The following FAM13A variants were observed in gnomAD, a reference collection of about 807,000 sequenced individuals.
FAM13A encodes protein FAM13A.
In FAM13A, 76 loss-of-function variants were observed where a neutral mutation model predicts 129.6. The observed-to-expected ratio is 0.59, with a 90% CI of 0.49 to 0.71. FAM13A has a LOEUF of 0.71. Ranked by LOEUF, FAM13A falls within the 30% of genes least tolerant of loss-of-function variation. The probability of loss-of-function intolerance (pLI) is 0.00; values close to 1 mark genes in which losing one functional copy is unlikely to be tolerated. For synonymous variants in FAM13A, 443 were observed against 449.9 expected, an observed-to-expected ratio of 0.98 and a Z score of 0.20; for missense variants, 1,108 against 1,249.3, an observed-to-expected ratio of 0.89 and a Z score of 1.70.
Position 88,747,698 on chromosome 4 carries a change from G to A in FAM13A, c.2315C>T (p.Thr772Ile). The A allele has an allele frequency of 6.2e-7, 1 of 1,614,198 alleles. No individual in the cohort carries two copies. Among genetic ancestry groups the A allele is most frequent in the South Asian group, 1.1e-5 (1 of 91,082 alleles). ...GAGCTTCCTCTGAATAGATTCCAAT[G>A]TGGCTTCAACACTGGGCTTTATTGC... ...DKAIKPSVEA[T>I]LESIQRKLQE... The change falls in exon 18 of 24, where the codon ACA (threonine) becomes ATA (isoleucine). Residue 772 changes from threonine (T) to isoleucine (I), a missense_variant. Thr to Ile is a moderately conservative substitution (Grantham distance 89). Around this residue, in one of 3 missense-constraint regions of FAM13A, gnomAD observed 529 missense variants for 621.2 expected, o/e 0.85. Coordinates refer to ENST00000264344, the MANE Select transcript of FAM13A (RefSeq NM_014883.4).
In FAM13A at chr4:88,747,698, G is replaced by C. The variant is rs1741659412; in HGVS notation, c.2315C>G (p.Thr772Arg). Residue 772 changes from threonine (T) to arginine (R), a missense_variant, in exon 18 of 24, where the codon ACA becomes AGA. Physicochemically the swap from Thr to Arg is moderately conservative, Grantham distance 71 (BLOSUM62 -1). Coordinates refer to ENST00000264344, the MANE Select transcript of FAM13A (RefSeq NM_014883.4). The stretch of plus-strand genomic sequence containing the variant: ...GAGCTTCCTCTGAATAGATTCCAAT[G>C]TGGCTTCAACACTGGGCTTTATTGC... ...DKAIKPSVEA[T>R]LESIQRKLQE... 6.2e-7 allele frequency: 1 copy of C among 1,614,080 alleles called. No homozygotes were observed. The highest frequency in any genetic ancestry group is 8.5e-7 in the Non-Finnish European group (1 of 1,180,038).
chr4:88,915,864 A>C (rs1291713348), intron 5 of FAM13A, among the ~76,000 whole-genome samples: 1 of 152,168 alleles, frequency 6.6e-6, no homozygotes, highest in Non-Finnish European at 1.5e-5. Flanking sequence ...TGGGAGCAGG[A>C]TTAATGGCTT....
chr4:88,874,113 T>C (rs1741944783), intron 6 of FAM13A, among the ~76,000 whole-genome samples: 2 of 152,152 alleles, frequency 1.3e-5, no homozygotes, highest in South Asian at 4.1e-4. Context: ...AAACTCTCAA[T>C]AAACTAGGTA....
chr4:88,875,070 G>A (rs1446678243), intron 6 of FAM13A, among the ~76,000 whole-genome samples: 1 of 152,142 alleles, frequency 6.6e-6, no homozygotes, highest in Non-Finnish European at 1.5e-5. Flanking sequence ...AATGGTGCTG[G>A]GAAAACTGGC....
At chr4:88,941,470 TG>T (rs1337977173) in intron 4 of FAM13A, among the ~76,000 whole-genome samples, 1 of 152,230 alleles carries the variant, frequency 6.6e-6, no homozygotes, top group Non-Finnish European at 1.5e-5. Flanking sequence ...TTTGACTCAT[TG>T]GGACACTTAT....
At chr4:88,800,428 TA>T (rs571336161) in intron 8 of FAM13A, among the ~76,000 whole-genome samples, 86 of 152,082 alleles carry the variant, frequency 5.7e-4, no homozygotes, top group Non-Finnish European at 9.9e-4. Flanking sequence ...CTCGCACCTG[TA>T]ATCCCAGCAC....
chr4:89,040,475 T>C (rs929694788), intron 1 of FAM13A, among the ~76,000 whole-genome samples: 2 of 152,234 alleles, frequency 1.3e-5, no homozygotes, highest in African/African-American at 4.8e-5. Flanking sequence ...TCTTTCCAAA[T>C]TGCAATTTAA....
intron 4 of FAM13A, among the ~76,000 whole-genome samples, chr4:88,984,189 A>T (rs12512799): frequency 0.68 from 103,773 of 152,014 alleles, 35,491 homozygotes; most frequent in Middle Eastern, 0.79. Context: ...GTCATAACTA[A>T]AAAACTCTTA....
chr4:89,007,166 C>A (rs542584223), intron 3 of FAM13A, among the ~76,000 whole-genome samples: 11 of 152,296 alleles, frequency 7.2e-5, no homozygotes, highest in African/African-American at 2.4e-4. Flanking sequence ...AAAATGCCTA[C>A]AAAGTTTGAC....
chr4:89,032,870 C>A (rs979214692), intron 1 of FAM13A, among the ~76,000 whole-genome samples: 1 of 152,276 alleles, frequency 6.6e-6, no homozygotes. Context: ...AATCAGATCC[C>A]TTCTCCGGGA....
chr4:88,804,996 A>G lies in FAM13A; in HGVS notation c.1049+15T>C. On this transcript the variant is annotated intron_variant, in intron 8 of 23. Coordinates refer to ENST00000264344, the MANE Select transcript of FAM13A (RefSeq NM_014883.4). ...TTTATTCCCTGTAGTAGACCAACAA[A>G]AATCAAATAAATACCTCAAATAGAA... 1 of 1,511,930 alleles carries G rather than the reference A, an allele frequency of 6.6e-7. No homozygotes were observed. The highest frequency in any genetic ancestry group is 9.2e-7 in the Non-Finnish European group (1 of 1,090,636). 93.7% of individuals were successfully genotyped at this position (1,511,930 alleles called of 1,614,324 possible).
chr4:88,760,860 G>T (rs898316106), intron 13 of FAM13A, among the ~76,000 whole-genome samples: 1 of 151,816 alleles, frequency 6.6e-6, no homozygotes. Flanking sequence ...GGTCGTGGGC[G>T]GGGGGAAGCA....
chr4:88,780,681 G>A (rs1278446744), intron 11 of FAM13A, among the ~76,000 whole-genome samples: 3 of 152,022 alleles, frequency 2.0e-5, no homozygotes, highest in Non-Finnish European at 4.4e-5. Context: ...GATTAACTTG[G>A]AAGAAAATAC....
intron 6 of FAM13A, among the ~76,000 whole-genome samples, chr4:88,854,449 G>A (rs567948757): frequency 6.6e-6 from 1 of 152,312 alleles, no homozygotes; most frequent in African/African-American, 2.4e-5. Flanking sequence ...AAGGGTTGGG[G>A]ATACAGACTG....
chr4:88,978,392 T>C (rs1761184075), intron 4 of FAM13A, among the ~76,000 whole-genome samples: 1 of 152,170 alleles, frequency 6.6e-6, no homozygotes, highest in South Asian at 2.1e-4. Context: ...TACAAGTCTG[T>C]CATCTTCTAT....
intron 7 of FAM13A, among the ~76,000 whole-genome samples, chr4:88,849,350 A>G (rs1032038556): frequency 6.6e-6 from 1 of 152,158 alleles, no homozygotes; most frequent in Admixed American, 6.5e-5. Context: ...TTCCTAATAT[A>G]CTAACTCCCT....
chr4:88,945,988 G>GTATATA (rs1553901158), intron 4 of FAM13A, among the ~76,000 whole-genome samples: 30 of 13,662 alleles, frequency 2.2e-3, no homozygotes, highest in African/African-American at 7.4e-3. Context: ...GTGTGTGTGT[G>GTATATA]TGTATATATA....
intron 19 of FAM13A, among the ~76,000 whole-genome samples, chr4:88,744,737 A>T (rs531525040): frequency 2.0e-5 from 3 of 152,050 alleles, no homozygotes; most frequent in African/African-American, 7.2e-5. Context: ...TGACTCTTTG[A>T]TTTTTTTTCA....
rs763972219 is a variant in FAM13A, at chr4:88,803,663, T to C, written c.1049+1348A>G. 3.9e-5 allele frequency among the ~76,000 whole-genome samples: 6 copies of C among 152,192 alleles called. No homozygotes were observed. The East Asian group carries it at 1.2e-3, about 29-fold the overall frequency. The stretch of plus-strand genomic sequence containing the variant: ...TTGAGATACCCTATGAACCAGAGTA[T>C]GCTGATTTGGTTGGCAGGAAACCAG... On this transcript the variant is annotated intron_variant, in intron 8 of 23. Coordinates refer to ENST00000264344, the MANE Select transcript of FAM13A (RefSeq NM_014883.4).
Sources: gnomAD v4.1 joint callset for allele counts (sites outside exome capture counted in the v4.1 genomes callset) on GRCh38, gnomAD v4.1.1 for gene constraint, gnomAD v4.1.1 regional missense constraint, MANE v1.5 for transcripts, NCBI Gene and HGNC (gene_info 2026-07-23, HGNC 2026-07-21) for gene names.